The following NADK variants were observed in gnomAD, a reference collection of about 807,000 sequenced individuals.
NADK encodes the protein poly(P)/ATP NAD kinase.
In NADK, 22 loss-of-function variants were observed where a neutral mutation model predicts 49.8. That is an observed-to-expected ratio of 0.44 (90% CI 0.32 to 0.63). The LOEUF (loss-of-function observed/expected upper bound fraction) is 0.63. NADK is among the 30% of genes least tolerant of loss of function. The probability of loss-of-function intolerance (pLI) is 0.06; values close to 1 mark genes in which losing one functional copy is unlikely to be tolerated. For synonymous variants in NADK, 268 were observed against 253.7 expected (o/e 1.06, Z -0.54); for missense variants, 438 against 609.4 (o/e 0.72, Z 2.96).
Position 1,754,009 on chromosome 1 carries a change from A to G in NADK, c.1101+42T>C. 1 of 1,536,554 alleles carries G rather than the reference A, an allele frequency of 6.5e-7. No homozygotes were observed. The highest frequency in any genetic ancestry group is 1.4e-5 in the African/African-American group (1 of 72,370). ...TCCCGGCTTTGTGTTGCACGGGGTC[A>G]AATGACTCACAAACCGGAAAAGGAG... On this transcript the variant is annotated intron_variant, in intron 10 of 11. Transcript: ENST00000341426. This position sits in a 1 kb window ranked among gnomAD's most constrained non-coding sequence, Gnocchi z 4.3.
Position 1,752,943 on chromosome 1 carries a change from G to A in NADK, c.1302C>T (p.Ala434=), listed in dbSNP as rs1557829142. Residue 434 remains alanine (A), a synonymous_variant, in exon 12 of 12, where the codon GCC becomes GCT. Transcript: ENST00000341426. ...CLHWNVRKKQ[A]HFEEEEEEEE... ...CCTCCTCCTCCTCCTCCTCGAAGTG[G>A]GCTTGCTTCTTCCGGACGTTCCAAT... The A allele has an allele frequency of 2.5e-6, 4 of 1,600,082 alleles. No individual in the cohort carries two copies. The highest frequency in any genetic ancestry group is 3.4e-6 in the Non-Finnish European group (4 of 1,173,670).
Position 1,752,831 on chromosome 1 carries a change from C to G in NADK, c.*73G>C, listed in dbSNP as rs947091660. The G allele has an allele frequency of 6.8e-5, 103 of 1,524,158 alleles. No individual in the cohort carries two copies. The highest frequency in any genetic ancestry group is 5.2e-4 in the Middle Eastern group (3 of 5,732). The allele number at this position is 1,524,158 out of a possible 1,614,324, so 94.4% of individuals were successfully genotyped here. On this transcript the variant is annotated 3_prime_UTR_variant, in exon 12 of 12. Coordinates refer to ENST00000341426, the MANE Select transcript of NADK (RefSeq NM_023018.5). ...CCACTGAGACAGGCGGTCACAGACA[C>G]ACGCAGATTGGTCTGTCCCCAGAGG...
intron 3 of NADK, 191 bp downstream of exon 3, chr1:1,761,761 G>A (rs565348949): frequency 3.7e-6 from 2 of 546,958 alleles, no homozygotes; most frequent in South Asian, 2.2e-5. Context: ...GGACGCCCAT[G>A]TGGCTTTTTG....
Position 1,752,170 on chromosome 1 carries a change from G to C in NADK, c.*734C>G, listed in dbSNP as rs1645345902. 6.6e-6 allele frequency: 1 copy of C among 152,622 alleles called. No homozygotes were observed. The allele number at this position is 152,622 out of a possible 1,614,324, so 9.5% of individuals were successfully genotyped here. A position where few individuals can be genotyped will look rare whatever the true frequency, so the allele number is the denominator to read the frequency against. On this transcript the variant is annotated 3_prime_UTR_variant, in exon 12 of 12. Coordinates refer to ENST00000341426, the MANE Select transcript of NADK (RefSeq NM_023018.5). ...TCTTCACAAAAGTGTGTACGAGAAA[G>C]TATGTACATCAGCACTTCAGAAAGT...
chr1:1,771,218 T>G (rs1380033461), intron 1 of NADK, among the ~76,000 whole-genome samples: 1 of 151,688 alleles, frequency 6.6e-6, no homozygotes, highest in African/African-American at 2.4e-5. Context: ...CACTGAAAAC[T>G]ACAAAATATT....
In NADK at chr1:1,777,719, T is replaced by C. The variant is rs78021040; in HGVS notation, c.-41+570A>G. The stretch of plus-strand genomic sequence containing the variant: ...ACAATTAAGAAAAAAAACGACGACC[T>C]AGAGCTCAAGGCCGGTGCTGACATC... On this transcript the variant is annotated intron_variant, in intron 1 of 11. Coordinates refer to ENST00000341426, the MANE Select transcript of NADK (RefSeq NM_023018.5). 2.5e-4 allele frequency among the ~76,000 whole-genome samples: 38 copies of C among 152,074 alleles called. No individual in the cohort carries two copies. In the East Asian group the frequency reaches 6.4e-3, roughly 26 times the overall value.
intron 1 of NADK, among the ~76,000 whole-genome samples, chr1:1,773,178 C>G (rs1309247704): frequency 6.6e-6 from 1 of 151,708 alleles, no homozygotes; most frequent in Non-Finnish European, 1.5e-5. Context: ...TCGCTCTTGT[C>G]CCCCATGTTG....
chr1:1,761,229 G>A (rs1054822523), intron 3 of NADK, among the ~76,000 whole-genome samples: 1 of 152,192 alleles, frequency 6.6e-6, no homozygotes, highest in Non-Finnish European at 1.5e-5. Flanking sequence ...CTGACCTCGT[G>A]ATCCGCCCCC....
chr1:1,776,634 G>A (rs1347378585), intron 1 of NADK, among the ~76,000 whole-genome samples: 13 of 152,002 alleles, frequency 8.6e-5, no homozygotes, highest in South Asian at 4.2e-4. Context: ...TTAGCTGAGC[G>A]TGGTGGTGGG....
At chr1:1,759,134 A>G in intron 3 of NADK, 1 of 1,554,392 alleles carries the variant, frequency 6.4e-7, no homozygotes, top group Non-Finnish European at 8.7e-7. Flanking sequence ...TCCAGCCCTG[A>G]GGCTCAGCTG....
upstream of NADK, chr1:1,779,090 C>A (rs1444730970): frequency 1.3e-5 from 2 of 152,348 alleles, no homozygotes; most frequent in South Asian, 2.1e-4. Flanking sequence ...CTCACGCCCA[C>A]CTCTAGCGGC....
intron 7 of NADK, 150 bp downstream of exon 7, chr1:1,755,224 T>C (rs1452355722): frequency 1.2e-5 from 8 of 678,234 alleles, no homozygotes; most frequent in Non-Finnish European, 2.1e-5. Flanking sequence ...AGTAAAAGGT[T>C]TGAACCACTC....
intron 3 of NADK, among the ~76,000 whole-genome samples, chr1:1,761,467 G>T (rs1288794672): frequency 3.9e-5 from 6 of 152,188 alleles, no homozygotes; most frequent in Admixed American, 2.0e-4. Context: ...ATATCAGATC[G>T]ATCACTGTTG....
chr1:1,762,759 A>ATGAATG (rs1645766811), intron 2 of NADK, among the ~76,000 whole-genome samples: 1 of 148,994 alleles, frequency 6.7e-6, no homozygotes, highest in Admixed American at 6.6e-5. Context: ...CTCTGTCTCA[A>ATGAATG]AATGAATGAA....
In NADK at chr1:1,754,767, G is replaced by T; in HGVS notation, c.689-69C>A. The T allele has an allele frequency of 6.8e-7, 1 of 1,462,298 alleles. No individual in the cohort carries two copies. The allele number at this position is 1,462,298 out of a possible 1,614,324, so 90.6% of individuals were successfully genotyped here. ...GTGGGGTCAGGGGCCCCACCCCAGG[G>T]AGGCCAGTGGGAGTCAGAGGGCTCT... On this transcript the variant is annotated intron_variant, in intron 7 of 11. Coordinates refer to ENST00000341426, the MANE Select transcript of NADK (RefSeq NM_023018.5). The surrounding 1 kb of genome is among the most constrained non-coding windows in gnomAD (Gnocchi z 4.3).
chr1:1,754,455 C>A lies in NADK; in HGVS notation c.844-72G>T, dbSNP rs901671479. ...GGCTCGCAGACACCCTCCGTCTCAC[C>A]CAGCCGGGCTCTCCGGAAGGTCCTC... On this transcript the variant is annotated intron_variant, in intron 8 of 11. Coordinates refer to ENST00000341426, the MANE Select transcript of NADK (RefSeq NM_023018.5). This position sits in a 1 kb window ranked among gnomAD's most constrained non-coding sequence, Gnocchi z 4.3. The A allele has an allele frequency of 1.2e-6, 2 of 1,606,974 alleles. No individual in the cohort carries two copies. The highest frequency in any genetic ancestry group is 1.7e-6 in the Non-Finnish European group (2 of 1,175,214).
intron 1 of NADK, among the ~76,000 whole-genome samples, chr1:1,767,760 T>C (rs949411050): frequency 1.3e-5 from 2 of 152,190 alleles, no homozygotes; most frequent in African/African-American, 4.8e-5. Context: ...GTGATCCTCC[T>C]GCCTTGGCTT....
chr1:1,764,122 C>G (rs1570550559), intron 2 of NADK, among the ~76,000 whole-genome samples: 2 of 152,172 alleles, frequency 1.3e-5, no homozygotes, highest in African/African-American at 4.8e-5. Flanking sequence ...GTGGGAGTAG[C>G]CTGTTTCTCC....
intron 1 of NADK, among the ~76,000 whole-genome samples, chr1:1,768,647 G>A (rs1645957377): frequency 6.6e-6 from 1 of 152,186 alleles, no homozygotes. Flanking sequence ...CAGAGAAGAT[G>A]GCCATTACAG....
Sources: gnomAD v4.1 joint callset for allele counts (sites outside exome capture counted in the v4.1 genomes callset) on GRCh38, gnomAD v4.1.1 for gene constraint, Gnocchi (gnomAD v3.1) non-coding constraint, MANE v1.5 for transcripts, NCBI Gene and HGNC (gene_info 2026-07-23, HGNC 2026-07-21) for gene names.